TOX2: variants seen among roughly 807,000 people sequenced by gnomAD.
TOX2 encodes TOX high mobility group box family member 2.
A neutral mutation model predicts 47.4 loss-of-function variants in TOX2; 15 were observed. That is an observed-to-expected ratio of 0.32 (90% confidence interval 0.21 to 0.49). TOX2 has a LOEUF of 0.49. Ranked by LOEUF, TOX2 falls within the 20% of genes least tolerant of loss-of-function variation. The probability of loss-of-function intolerance (pLI) is 0.99; values close to 1 mark genes in which losing one functional copy is unlikely to be tolerated. For missense variants in TOX2, 622 were observed against 673.1 expected, an observed-to-expected ratio of 0.92 and a Z score of 0.84; for synonymous variants, 290 against 296.6, an observed-to-expected ratio of 0.98 and a Z score of 0.23.
chr20:44,000,499 T>C (rs113168274), intron 2 of TOX2, among the ~76,000 whole-genome samples: 7 of 152,214 alleles, frequency 4.6e-5, no homozygotes, highest in African/African-American at 1.4e-4. Context: ...CTCTTAAATG[T>C]GTTAAGTTGT....
At chr20:44,044,763 A>G (rs568585780) in intron 3 of TOX2, among the ~76,000 whole-genome samples, 18 of 152,336 alleles carry the variant, frequency 1.2e-4, no homozygotes, top group Admixed American at 5.2e-4. Flanking sequence ...TGATACGGCA[A>G]TTGGAATTCT....
intron 3 of TOX2, among the ~76,000 whole-genome samples, chr20:44,015,262 T>C (rs190876595): frequency 2.9e-4 from 44 of 152,300 alleles, no homozygotes; most frequent in African/African-American, 1.0e-3. Context: ...AAAAGAAATA[T>C]GTCTTTTTAC....
At chr20:43,951,297 C>T (rs142338614) in intron 1 of TOX2, among the ~76,000 whole-genome samples, 209 of 152,158 alleles carry the variant, frequency 1.4e-3, no homozygotes, top group Non-Finnish European at 1.8e-3. Context: ...GTAGATAGGC[C>T]GGTGTGGTGG....
At chr20:43,966,906 C>A (rs183827702) in intron 1 of TOX2, among the ~76,000 whole-genome samples, 86 of 152,162 alleles carry the variant, frequency 5.7e-4, no homozygotes, top group African/African-American at 2.0e-3. Context: ...GAAGCGATTG[C>A]CCAAATATCG....
chr20:43,921,307 T>A (rs1450360899), intron 1 of TOX2, among the ~76,000 whole-genome samples: 1 of 152,204 alleles, frequency 6.6e-6, no homozygotes, highest in Non-Finnish European at 1.5e-5. Context: ...TAGGGCAATC[T>A]ATTTTGCTTC....
At chr20:44,023,211 C>T (rs1219271470) in intron 3 of TOX2, among the ~76,000 whole-genome samples, 1 of 151,822 alleles carries the variant, frequency 6.6e-6, no homozygotes, top group East Asian at 1.9e-4. Flanking sequence ...AGCAGATCAC[C>T]TGAGGTCAGG....
chr20:43,960,245 T>C (rs979215101), intron 1 of TOX2, among the ~76,000 whole-genome samples: 6 of 152,180 alleles, frequency 3.9e-5, no homozygotes, highest in East Asian at 3.8e-4. Context: ...CCCTAGTCCC[T>C]CCTCAGATCC....
intron 6 of TOX2, among the ~76,000 whole-genome samples, chr20:44,065,124 C>A (rs190239745): frequency 6.6e-6 from 1 of 152,186 alleles, no homozygotes; most frequent in Non-Finnish European, 1.5e-5. Flanking sequence ...GTTAAAGTGG[C>A]CGCACTAGGA....
chr20:44,023,431 G>GGAACA (rs1555841868), intron 3 of TOX2, among the ~76,000 whole-genome samples: 1 of 119,148 alleles, frequency 8.4e-6, no homozygotes, highest in African/African-American at 3.4e-5. Context: ...CTTTATCTCA[G>GGAACA]AAAAAAAAAA....
intron 3 of TOX2, among the ~76,000 whole-genome samples, chr20:44,011,010 T>C (rs1293653532): frequency 1.3e-5 from 2 of 152,190 alleles, no homozygotes; most frequent in Non-Finnish European, 2.9e-5. Flanking sequence ...TGGTCTTCCC[T>C]GGCTCGTGGC....
At chr20:43,949,314 G>A (rs532269017) in intron 1 of TOX2, among the ~76,000 whole-genome samples, 24 of 152,252 alleles carry the variant, frequency 1.6e-4, no homozygotes, top group South Asian at 1.0e-3. Context: ...ACTTGTCACC[G>A]GGATGACCGC....
intron 1 of TOX2, among the ~76,000 whole-genome samples, chr20:43,925,143 T>A (rs1420109132): frequency 6.6e-6 from 1 of 152,220 alleles, no homozygotes; most frequent in Non-Finnish European, 1.5e-5. Flanking sequence ...TTCCTGCATT[T>A]AACTCTGTTT....
rs1004890030 is a variant in TOX2 at position 44,043,977 on chromosome 20, T to C, written c.412-7329T>C. Among the ~76,000 whole-genome samples the C allele has an allele frequency of 4.6e-5, 7 of 152,344 alleles. No homozygotes were observed. The East Asian group carries it at 1.3e-3, about 29-fold the overall frequency. ...ATGCTGCTATAAAGACACATGCACA[T>C]GTATGTTTACTGCGGCACTATTCAC... is the stretch of plus-strand genomic sequence containing the variant. On this transcript the variant is annotated intron_variant, in intron 3 of 8. Transcript: ENST00000341197.
intron 3 of TOX2, among the ~76,000 whole-genome samples, chr20:44,031,470 G>A (rs192371589): frequency 1.3e-5 from 2 of 152,076 alleles, no homozygotes; most frequent in Non-Finnish European, 2.9e-5. Flanking sequence ...TGTTTGTCCC[G>A]CTGGACTTGG....
In TOX2 at chr20:44,060,141, G is replaced by A. The variant is rs540819999; in HGVS notation, c.880-4636G>A. ...AGACCAAACAAACTTTAAAGCAACGGCAGTTGAAAAAGACAAAGAGGGACA... is the reference window on the plus strand; with the variant it reads ...AGACCAAACAAACTTTAAAGCAACGACAGTTGAAAAAGACAAAGAGGGACA... On this transcript the variant is annotated intron_variant, in intron 5 of 8. Transcript: ENST00000341197. Among the ~76,000 whole-genome samples, 16 of 152,154 alleles carry A rather than the reference G, an allele frequency of 1.1e-4. 1 individual carries two copies. The South Asian group carries it at 2.7e-3, about 26-fold the overall frequency.
rs2069052845 is a variant in TOX2, at chr20:43,916,168, G to T, written c.99+1178G>T. 7.1e-6 allele frequency: 7 copies of T among 985,528 alleles called. No homozygotes were observed. Among genetic ancestry groups the T allele is most frequent in the Non-Finnish European group, 7.2e-6 (6 of 829,968 alleles). 61.0% of individuals were successfully genotyped at this position (985,528 alleles called of 1,614,324 possible). A position where few individuals can be genotyped will look rare whatever the true frequency, so the allele number is the denominator to read the frequency against. ...ATTGAACAGCGCGCGTGGGTTTCCC[G>T]CAGCCCTGGCGCAGACGCGTGGGCT... On this transcript the variant is annotated intron_variant, in intron 1 of 8. Transcript: ENST00000341197. This position sits in a 1 kb window ranked among gnomAD's most constrained non-coding sequence, Gnocchi z 5.0.
chr20:43,956,430 G>A (rs566384816), intron 1 of TOX2, among the ~76,000 whole-genome samples: 10 of 152,180 alleles, frequency 6.6e-5, no homozygotes, highest in African/African-American at 9.6e-5. Flanking sequence ...GCATGGTGGC[G>A]CATGCCTGTA....
intron 1 of TOX2, among the ~76,000 whole-genome samples, chr20:43,972,409 T>A (rs1408746213): frequency 6.6e-6 from 1 of 152,202 alleles, no homozygotes; most frequent in Non-Finnish European, 1.5e-5. Context: ...CTCCCACACT[T>A]ACAGGTTATT....
intron 5 of TOX2, among the ~76,000 whole-genome samples, chr20:44,054,864 C>T (rs1294215048): frequency 1.3e-5 from 2 of 152,216 alleles, no homozygotes; most frequent in Admixed American, 1.3e-4. Flanking sequence ...CCAGAGCTTC[C>T]TATCCCACTG....
Sources: gnomAD v4.1 joint callset for allele counts (sites outside exome capture counted in the v4.1 genomes callset) on GRCh38, gnomAD v4.1.1 for gene constraint, Gnocchi (gnomAD v3.1) non-coding constraint, MANE v1.5 for transcripts, NCBI Gene and HGNC (gene_info 2026-07-23, HGNC 2026-07-21) for gene names.